The following HOOK3 variants were observed in gnomAD, a reference collection of about 807,000 sequenced individuals.
HOOK3 encodes the protein hook microtubule tethering protein 3.
A neutral mutation model predicts 116.3 loss-of-function variants in HOOK3; 24 were observed. The observed-to-expected ratio is 0.21, with a 90% CI of 0.15 to 0.29. The LOEUF (loss-of-function observed/expected upper bound fraction) is 0.29, where lower values mean the gene tolerates loss of function less well. Among genes scored for constraint, HOOK3 ranks in the 10% least tolerant of loss-of-function variants. The pLI is 1.00. For synonymous variants in HOOK3, 275 were observed against 283.0 expected, an observed-to-expected ratio of 0.97 and a Z score of 0.28; for missense variants, 632 against 830.2, an observed-to-expected ratio of 0.76 and a Z score of 2.93.
intron 1 of HOOK3, among the ~76,000 whole-genome samples, chr8:42,899,279 C>T (rs772978437): frequency 2.0e-5 from 3 of 152,154 alleles, no homozygotes; most frequent in Non-Finnish European, 4.4e-5. Flanking sequence ...TCCACATTAT[C>T]AGCTGTAGAG....
chr8:42,950,969 G>C (rs542153596), intron 6 of HOOK3, among the ~76,000 whole-genome samples: 13 of 152,280 alleles, frequency 8.5e-5, no homozygotes, highest in African/African-American at 3.1e-4. Flanking sequence ...ACAGGCGTGA[G>C]CCATCACGCC....
In HOOK3 at chr8:42,943,513, A is replaced by G. The variant is rs866556869; in HGVS notation, c.400+68A>G. ...GAAAGTAGTGTATATTTTATATTTT[A>G]TATATAAATCACCAGTACCAACAGT... is the stretch of plus-strand genomic sequence containing the variant. On this transcript the variant is annotated intron_variant, in intron 5 of 21. Coordinates refer to ENST00000307602, the MANE Select transcript of HOOK3 (RefSeq NM_032410.4). 9.3e-5 allele frequency: 103 copies of G among 1,112,152 alleles called. 3 individuals carry two copies. The Middle Eastern group carries it at 4.5e-3, about 49-fold the overall frequency. The allele number at this position is 1,112,152 out of a possible 1,614,324, so 68.9% of individuals were successfully genotyped here.
chr8:42,941,482 C>T (rs1705711563), intron 4 of HOOK3, among the ~76,000 whole-genome samples: 1 of 140,728 alleles, frequency 7.1e-6, no homozygotes, highest in South Asian at 2.2e-4. Flanking sequence ...CGCGCCACTG[C>T]ACTCCAGCCT....
chr8:42,938,855 A>G (rs912278971), intron 4 of HOOK3, among the ~76,000 whole-genome samples: 1 of 151,906 alleles, frequency 6.6e-6, no homozygotes, highest in Non-Finnish European at 1.5e-5. Flanking sequence ...TAGGCAGAGG[A>G]CCCTGCTGCA....
chr8:43,008,888 T>C (rs1446017364), intron 18 of HOOK3, among the ~76,000 whole-genome samples: 3 of 150,900 alleles, frequency 2.0e-5, no homozygotes, highest in Non-Finnish European at 4.4e-5. Flanking sequence ...CTCGATCTCC[T>C]GACCTCGTGA....
intron 1 of HOOK3, among the ~76,000 whole-genome samples, chr8:42,901,787 C>G (rs548828372): frequency 6.6e-6 from 1 of 152,288 alleles, no homozygotes; most frequent in African/African-American, 2.4e-5. Context: ...TCTCGGCTCA[C>G]TGCAACCTCC....
intron 16 of HOOK3, chr8:43,000,369 T>A: frequency 2.7e-6 from 2 of 737,148 alleles, no homozygotes; most frequent in Non-Finnish European, 4.1e-6. Flanking sequence ...TTTATTAAGG[T>A]AGTTTTGTGC....
At chr8:43,002,494 G>C (rs1035432552) in intron 17 of HOOK3, among the ~76,000 whole-genome samples, 1 of 152,178 alleles carries the variant, frequency 6.6e-6, no homozygotes, top group Non-Finnish European at 1.5e-5. Flanking sequence ...CAGCCACTCA[G>C]CTCTGCAGTT....
chr8:42,951,207 C>T (rs1397945311), intron 6 of HOOK3, among the ~76,000 whole-genome samples: 2 of 152,164 alleles, frequency 1.3e-5, no homozygotes, highest in African/African-American at 4.8e-5. Flanking sequence ...ACTACAAGCA[C>T]ATGCCACCAC....
chr8:42,942,117 G>T (rs1426681363), intron 4 of HOOK3, among the ~76,000 whole-genome samples: 1 of 152,138 alleles, frequency 6.6e-6, no homozygotes, highest in African/African-American at 2.4e-5. Context: ...AATTAGCTGG[G>T]TGTGGTGGCA....
chr8:42,907,816 C>CAAAAAAAAAAAAAAAAAA (rs71550426), intron 2 of HOOK3, among the ~76,000 whole-genome samples: 1 of 46,196 alleles, frequency 2.2e-5, no homozygotes, highest in African/African-American at 6.5e-5. Flanking sequence ...AGCAACGAGG[C>CAAAAAAAAAAAAAAAAAA]AAAAAAAAAA....
At chr8:42,916,552 A>G (rs984692871) in intron 2 of HOOK3, among the ~76,000 whole-genome samples, 1 of 152,238 alleles carries the variant, frequency 6.6e-6, no homozygotes, top group African/African-American at 2.4e-5. Context: ...AGACATTAAG[A>G]TGCGTCAGCA....
At chr8:43,008,674 T>A (rs1563313455) in intron 18 of HOOK3, among the ~76,000 whole-genome samples, 1 of 148,206 alleles carries the variant, frequency 6.7e-6, no homozygotes, top group African/African-American at 2.5e-5. Flanking sequence ...TTTTTTTTTT[T>A]TTTGAGACGG....
intron 13 of HOOK3, 80 bp from the exon 14 acceptor site, chr8:42,982,547 T>C (rs772600516): frequency 7.7e-6 from 7 of 908,248 alleles, no homozygotes; most frequent in African/African-American, 1.6e-5. Context: ...TTAAAATTAA[T>C]GCTCAAAGTA....
At position 43,028,357 on chromosome 8, in the gene HOOK3, TA is replaced by T. The variant is rs893833061; in HGVS notation, c.*9868del. The T allele has an allele frequency of 3.0e-4, 54 of 177,974 alleles. No homozygotes were observed. Among genetic ancestry groups the T allele is most frequent in the East Asian group, 1.1e-3 (11 of 10,474 alleles). The allele number at this position is 177,974 out of a possible 1,614,324, so 11.0% of individuals were successfully genotyped here. A position where few individuals can be genotyped will look rare whatever the true frequency, so the allele number is the denominator to read the frequency against. On this transcript the variant is annotated 3_prime_UTR_variant, in exon 22 of 22. Coordinates refer to ENST00000307602, the MANE Select transcript of HOOK3 (RefSeq NM_032410.4). ...GGTGGCAAAGCAAGACCCCTGTCTC[TA>T]AAAAAAAATAATATAAATTGATGTT...
intron 21 of HOOK3, among the ~76,000 whole-genome samples, chr8:43,014,919 C>A (rs1428461365): frequency 6.6e-6 from 1 of 151,942 alleles, no homozygotes; most frequent in Non-Finnish European, 1.5e-5. Context: ...CTGAGGCAGG[C>A]AGATCACCTG....
rs1487150201 is a variant in HOOK3 at position 42,986,789 on chromosome 8, A to C, written c.1526A>C (p.Glu509Ala). ...CTACGCAAGAATGAACTGGAGACAG[A>C]GAATAGGTAGAGTATTATAGGTGGC... ...ANLRKNELETENRLVNQRLLE... is the reference protein window; with the variant it reads ...ANLRKNELETANRLVNQRLLE... Residue 509 changes from glutamate to alanine, a missense_variant, in exon 15 of 22, where the codon GAG becomes GCG. Glu to Ala is a moderately radical substitution (Grantham distance 107). Transcript: ENST00000307602. The C allele has an allele frequency of 6.2e-7, 1 of 1,613,352 alleles. No individual in the cohort carries two copies. Among genetic ancestry groups the C allele is most frequent in the Non-Finnish European group, 8.5e-7 (1 of 1,179,736 alleles).
chr8:43,003,484 G>GT (rs1239486111), intron 17 of HOOK3, among the ~76,000 whole-genome samples: 1 of 152,084 alleles, frequency 6.6e-6, no homozygotes, highest in Non-Finnish European at 1.5e-5. Context: ...TATAATACCT[G>GT]TCATTTCATA....
chr8:43,014,694 T>A (rs1163495488), intron 21 of HOOK3, among the ~76,000 whole-genome samples: 2 of 152,220 alleles, frequency 1.3e-5, no homozygotes, highest in Non-Finnish European at 2.9e-5. Context: ...GCTCTGTTAC[T>A]GGCACAGTAC....
Sources: gnomAD v4.1 joint callset for allele counts (sites outside exome capture counted in the v4.1 genomes callset) on GRCh38, gnomAD v4.1.1 for gene constraint, MANE v1.5 for transcripts, NCBI Gene and HGNC (gene_info 2026-07-23, HGNC 2026-07-21) for gene names.